The following MEMO1 variants were observed in gnomAD, a reference collection of about 807,000 sequenced individuals.
MEMO1 encodes the protein protein MEMO1.
A neutral mutation model predicts 45.2 loss-of-function variants in MEMO1; 6 were observed. The observed-to-expected ratio is 0.13, with a 90% CI of 0.07 to 0.26. The LOEUF (loss-of-function observed/expected upper bound fraction) is 0.26. Ranked by LOEUF, MEMO1 falls within the 10% of genes least tolerant of loss-of-function variation. The pLI, the probability that MEMO1 is intolerant of heterozygous loss-of-function variation, is 1.00. For synonymous variants in MEMO1, 78 were observed against 124.3 expected (o/e 0.63, Z 2.48); for missense variants, 184 against 370.5 (o/e 0.50, Z 4.13).
At chr2:31,969,323 ATATG>A (rs1669004940) in intron 2 of MEMO1, among the ~76,000 whole-genome samples, 1 of 149,974 alleles carries the variant, frequency 6.7e-6, no homozygotes, top group African/African-American at 2.5e-5. Context: ...TACATGTGTG[ATATG>A]TGTGTATATA....
intron 2 of MEMO1, among the ~76,000 whole-genome samples, chr2:31,957,137 C>T (rs1385176082): frequency 3.5e-5 from 5 of 141,828 alleles, no homozygotes; most frequent in Admixed American, 2.8e-4. Context: ...AGCGAAACTC[C>T]GTCTCAAAAA....
chr2:31,957,256 C>T (rs1198006971), intron 2 of MEMO1, among the ~76,000 whole-genome samples: 3 of 151,722 alleles, frequency 2.0e-5, no homozygotes, highest in Non-Finnish European at 2.9e-5. Flanking sequence ...TTTTACACTA[C>T]GTACATGTAT....
At chr2:31,968,048 C>CA (rs1668842303) in intron 2 of MEMO1, among the ~76,000 whole-genome samples, 1 of 152,124 alleles carries the variant, frequency 6.6e-6, no homozygotes. Flanking sequence ...TAAAAACTCA[C>CA]AATGGCCAAC....
chr2:31,889,062 T>C (rs1676577270), intron 7 of MEMO1, among the ~76,000 whole-genome samples: 1 of 152,112 alleles, frequency 6.6e-6, no homozygotes, highest in Admixed American at 6.6e-5. Context: ...GAAAAATCTT[T>C]CCAATTTACA....
chr2:31,948,301 A>G (rs1332508534), intron 2 of MEMO1, among the ~76,000 whole-genome samples: 5 of 152,202 alleles, frequency 3.3e-5, no homozygotes, highest in African/African-American at 9.7e-5. Flanking sequence ...TATTCTACAT[A>G]TGTAATTTAA....
chr2:31,925,498 A>AAAAAAAAC (rs1682968090), intron 4 of MEMO1, among the ~76,000 whole-genome samples: 1 of 146,752 alleles, frequency 6.8e-6, no homozygotes, highest in African/African-American at 2.5e-5. Flanking sequence ...AAAAAAAAAA[A>AAAAAAAAC]ATCTGTTCCC....
At chr2:31,919,172 G>A (rs1414283595) in intron 5 of MEMO1, among the ~76,000 whole-genome samples, 1 of 151,256 alleles carries the variant, frequency 6.6e-6, no homozygotes, top group Non-Finnish European at 1.5e-5. Flanking sequence ...TGTCACCCAG[G>A]CCAGGCTGGG....
At chr2:32,007,050 TC>T (rs1232423776) in intron 2 of MEMO1, among the ~76,000 whole-genome samples, 1 of 151,464 alleles carries the variant, frequency 6.6e-6, no homozygotes, top group Non-Finnish European at 1.5e-5. Flanking sequence ...ATCATATTAG[TC>T]CCCTACTAAG....
chr2:32,005,088 T>TGGAA (rs1673890348), intron 2 of MEMO1, among the ~76,000 whole-genome samples: 1 of 151,912 alleles, frequency 6.6e-6, no homozygotes, highest in Admixed American at 6.6e-5. Flanking sequence ...CAGAATAAAC[T>TGGAA]GGAATTGTCA....
At chr2:31,970,604 A>G (rs1669270464) in intron 2 of MEMO1, among the ~76,000 whole-genome samples, 1 of 152,006 alleles carries the variant, frequency 6.6e-6, no homozygotes, top group Non-Finnish European at 1.5e-5. Flanking sequence ...TTGACACGCA[A>G]AATGCACTAT....
At chr2:31,940,176 C>T (rs1327271229) in intron 3 of MEMO1, among the ~76,000 whole-genome samples, 2 of 152,150 alleles carry the variant, frequency 1.3e-5, no homozygotes, top group East Asian at 1.9e-4. Flanking sequence ...AAAAAGGTGG[C>T]TTATCCAAGG....
At chr2:31,949,717 C>G (rs1044814071) in intron 2 of MEMO1, among the ~76,000 whole-genome samples, 3 of 150,224 alleles carry the variant, frequency 2.0e-5, no homozygotes, top group Non-Finnish European at 2.9e-5. Flanking sequence ...TAGCTACAGT[C>G]AGTAACTTAA....
intron 6 of MEMO1, among the ~76,000 whole-genome samples, chr2:31,907,248 C>G (rs1266734593): frequency 6.6e-6 from 1 of 152,134 alleles, no homozygotes; most frequent in African/African-American, 2.4e-5. Flanking sequence ...GCTCCTGTAA[C>G]TCTTTAATTA....
intron 2 of MEMO1, among the ~76,000 whole-genome samples, chr2:32,006,028 A>C: frequency 6.6e-6 from 1 of 152,246 alleles, no homozygotes; most frequent in East Asian, 1.9e-4. Flanking sequence ...CAGTGATAAG[A>C]AACAGCATGA....
rs749426274 is a variant in MEMO1 at position 31,932,057 on chromosome 2, C to CA, written c.212+9dup. On this transcript the variant is annotated intron_variant, in intron 4 of 9. Transcript: ENST00000404530. Reference sequence around the variant, plus strand: ...GCTTCTCCGACTTAAAACAAAACTACATTACTTACGTAATAGACGGATCCA... The same window carrying CA: ...GCTTCTCCGACTTAAAACAAAACTACAATTACTTACGTAATAGACGGATCCA... 6.2e-7 allele frequency: 1 copy of CA among 1,608,654 alleles called. No homozygotes were observed. The highest frequency in any genetic ancestry group is 1.3e-5 in the African/African-American group (1 of 74,910).
chr2:31,874,695 G>A (rs1050865969), intron 8 of MEMO1, among the ~76,000 whole-genome samples: 1 of 151,584 alleles, frequency 6.6e-6, no homozygotes, highest in African/African-American at 2.4e-5. Flanking sequence ...GTATATTATT[G>A]GAATTCAAAA....
chr2:31,936,306 A>G (rs1193311064), intron 3 of MEMO1, among the ~76,000 whole-genome samples: 1 of 152,150 alleles, frequency 6.6e-6, no homozygotes, highest in Non-Finnish European at 1.5e-5. Context: ...CTTAATGCAA[A>G]AAGCCATCCC....
intron 8 of MEMO1, among the ~76,000 whole-genome samples, chr2:31,878,696 T>C (rs1479932675): frequency 6.6e-6 from 1 of 152,208 alleles, no homozygotes; most frequent in Non-Finnish European, 1.5e-5. Context: ...TAGTACAAAC[T>C]TGCTAAAGAC....
At chr2:31,984,927 TGTAAGA>T (rs1671091312) in intron 2 of MEMO1, among the ~76,000 whole-genome samples, 1 of 152,230 alleles carries the variant, frequency 6.6e-6, no homozygotes, top group African/African-American at 2.4e-5. Flanking sequence ...AAATGTACCA[TGTAAGA>T]GTAAGATGTT....
Sources: allele counts gnomAD v4.1 joint callset (sites outside exome capture counted in the v4.1 genomes callset), GRCh38; gene constraint gnomAD v4.1.1; transcripts MANE v1.5; gene names NCBI Gene and HGNC (gene_info 2026-07-23, HGNC 2026-07-21).